Variants in LRRN2 observed in about 807,000 individuals in gnomAD.
The protein encoded by LRRN2 is leucine-rich repeat neuronal protein 2.
A neutral mutation model predicts 35.7 loss-of-function variants in LRRN2; 10 were observed. The ratio of observed to expected loss-of-function variants is 0.28; its 90% CI spans 0.17 to 0.47. The LOEUF (loss-of-function observed/expected upper bound fraction) is 0.47. Ranked by LOEUF, LRRN2 falls within the 20% of genes least tolerant of loss-of-function variation. LRRN2 has a pLI of 0.99. For synonymous variants in LRRN2, 391 were observed against 409.6 expected (o/e 0.95, Z 0.55); for missense variants, 731 against 940.3 (o/e 0.78, Z 2.91).
At chr1:204,657,430 G>A (rs1668384896) in intron 1 of LRRN2, among the ~76,000 whole-genome samples, 1 of 151,692 alleles carries the variant, frequency 6.6e-6, no homozygotes, top group South Asian at 2.1e-4. Flanking sequence ...ACGAAGTAAT[G>A]GCACATGCTA....
intron 1 of LRRN2, among the ~76,000 whole-genome samples, chr1:204,637,150 A>G (rs1667855251): frequency 6.6e-6 from 1 of 152,246 alleles, no homozygotes; most frequent in Non-Finnish European, 1.5e-5. Context: ...GGAATTTTTC[A>G]TAATAAAGTA....
Position 204,619,849 on chromosome 1 carries a change from G to A in LRRN2, c.144C>T (p.Arg48=), listed in dbSNP as rs781709899. 1.4e-5 allele frequency: 23 copies of A among 1,613,610 alleles called. No individual in the cohort carries two copies. Among genetic ancestry groups the A allele is most frequent in the Middle Eastern group, 1.6e-4 (1 of 6,074 alleles). ...RPWYTPRSSY[R]EATTVDCNDL... is the part of the protein sequence containing the mutation. The stretch of plus-strand genomic sequence containing the variant: ...CATTGCAGTCCACAGTGGTAGCCTC[G>A]CGGTAGGACGAGCGGGGCGTATACC... Residue 48 remains arginine, a synonymous_variant, in exon 2 of 2, where the codon CGC becomes CGT. Transcript: ENST00000367177.
chr1:204,655,896 C>T (rs568918432), intron 1 of LRRN2, among the ~76,000 whole-genome samples: 1 of 152,224 alleles, frequency 6.6e-6, no homozygotes, highest in South Asian at 2.1e-4. Flanking sequence ...CCTTCCCTCC[C>T]TTTCCTTCTC....
At position 204,628,533 on chromosome 1, in the gene LRRN2, C is replaced by T. The variant is rs929588943; in HGVS notation, c.-226-8315G>A. 7 of 152,226 alleles carry T rather than the reference C, an allele frequency of 4.6e-5. No individual in the cohort carries two copies. In the East Asian group the frequency reaches 5.8e-4, roughly 13 times the overall value. The allele number at this position is 152,226 out of a possible 1,614,324, so 9.4% of individuals were successfully genotyped here. On this transcript the variant is annotated intron_variant, in intron 1 of 1. Transcript: ENST00000367177. The stretch of plus-strand genomic sequence containing the variant: ...AGTGTCCTGCCCTTTTTATCCACTT[C>T]GATTTGTTGGAGGCACATTTCCCTG...
In LRRN2 at chr1:204,685,420, C is replaced by G. The variant is rs1333861719; in HGVS notation, c.-327G>C. ...GCTGGGGACGCTGGTCCGCGCCCTCCCGCCGCGCGCGCCGTCTGCACAGGC... is the reference window on the plus strand; with the variant it reads ...GCTGGGGACGCTGGTCCGCGCCCTCGCGCCGCGCGCGCCGTCTGCACAGGC... On this transcript the variant is annotated 5_prime_UTR_variant, in exon 1 of 2. Coordinates refer to ENST00000367177, the MANE Select transcript of LRRN2 (RefSeq NM_201630.2). 6.6e-6 allele frequency: 1 copy of G among 151,592 alleles called. No individual in the cohort carries two copies. The highest frequency in any genetic ancestry group is 1.5e-5 in the Non-Finnish European group (1 of 67,868). 9.4% of individuals were successfully genotyped at this position (151,592 alleles called of 1,614,324 possible). A position where few individuals can be genotyped will look rare whatever the true frequency, so the allele number is the denominator to read the frequency against.
At chr1:204,639,988 A>G (rs1348981095) in intron 1 of LRRN2, among the ~76,000 whole-genome samples, 1 of 152,244 alleles carries the variant, frequency 6.6e-6, no homozygotes, top group Non-Finnish European at 1.5e-5. Context: ...TAATTCATAT[A>G]CCATAAATTC....
intron 1 of LRRN2, among the ~76,000 whole-genome samples, chr1:204,672,444 T>C (rs185027497): frequency 2.1e-4 from 32 of 152,284 alleles, no homozygotes; most frequent in African/African-American, 6.7e-4. Context: ...CTTGGGTCAA[T>C]TGGGGTCCCT....
intron 1 of LRRN2, among the ~76,000 whole-genome samples, chr1:204,636,202 C>T (rs1340889150): frequency 6.6e-6 from 1 of 152,166 alleles, no homozygotes; most frequent in East Asian, 1.9e-4. Context: ...TGCGTATGGC[C>T]TCATTGCTGT....
rs1317014658 is a variant in LRRN2, at chr1:204,624,763, C to T, written c.-226-4545G>A. ...CTGGCGGTTCCCCCCCCACCCCCCC[C>T]CCCGGGAGCTGAGGGTCCAGAGGGA... On this transcript the variant is annotated intron_variant, in intron 1 of 1. Coordinates refer to ENST00000367177, the MANE Select transcript of LRRN2 (RefSeq NM_201630.2). Among the ~76,000 whole-genome samples, 2 of 131,570 alleles carry T rather than the reference C, an allele frequency of 1.5e-5. 1 individual carries two copies. 86.3% of individuals were successfully genotyped at this position (131,570 alleles called of 152,430 possible).
intron 1 of LRRN2, among the ~76,000 whole-genome samples, chr1:204,625,519 C>T (rs1667277290): frequency 1.3e-5 from 2 of 152,160 alleles, no homozygotes; most frequent in South Asian, 4.1e-4. Context: ...CTGATCCCAA[C>T]ATGCATAGGT....
In LRRN2 at chr1:204,681,092, G is replaced by T. The variant is rs149922773; in HGVS notation, c.-227+4228C>A. Among the ~76,000 whole-genome samples, 1,468 of 152,172 alleles carry T rather than the reference G, an allele frequency of 9.6e-3. 12 individuals carry two copies. The highest frequency in any genetic ancestry group is 0.034 in the Middle Eastern group (10 of 294). On this transcript the variant is annotated intron_variant, in intron 1 of 1. Transcript: ENST00000367177. ...CCGCCTCAGCCTCCCAAGTAGCTGG[G>T]ATTACAGGTGTGTGCCACCACGCCC...
At chr1:204,675,117 TTGTC>T (rs1236740155) in intron 1 of LRRN2, among the ~76,000 whole-genome samples, 1 of 152,120 alleles carries the variant, frequency 6.6e-6, no homozygotes, top group Non-Finnish European at 1.5e-5. Flanking sequence ...CTCGATTTCA[TTGTC>T]TGGAGAATTA....
At chr1:204,621,839 G>C (rs1053834023) in intron 1 of LRRN2, 14 of 167,090 alleles carry the variant, frequency 8.4e-5, no homozygotes, top group African/African-American at 3.4e-4. Context: ...TCTGATTCCA[G>C]GTAAGTTTTT....
chr1:204,618,699 T>C lies in LRRN2; in HGVS notation c.1294A>G (p.Ser432Gly). 3 of 1,599,614 alleles carry C rather than the reference T, an allele frequency of 1.9e-6. No homozygotes were observed. The highest frequency in any genetic ancestry group is 2.6e-6 in the Non-Finnish European group (3 of 1,171,516). The stretch of plus-strand genomic sequence containing the variant: ...CTCTCTCCACTGGCTACCTGGAGGC[T>C]TGGGGGGAAGCTTCGTGGGGAGATG... The part of the protein sequence containing the change: ...PLISPRSFPP[S>G]LQVASGESMV... Residue 432 changes from serine (S) to glycine (G), a missense_variant, in exon 2 of 2, where the codon AGC becomes GGC. Ser to Gly is a moderately conservative substitution (Grantham distance 56). Coordinates refer to ENST00000367177, the MANE Select transcript of LRRN2 (RefSeq NM_201630.2).
At chr1:204,665,422 G>A (rs1182569825) in intron 1 of LRRN2, among the ~76,000 whole-genome samples, 1 of 152,110 alleles carries the variant, frequency 6.6e-6, no homozygotes, top group Non-Finnish European at 1.5e-5. Flanking sequence ...TTACAGGTAT[G>A]AGCACCCCCA....
intron 1 of LRRN2, among the ~76,000 whole-genome samples, chr1:204,647,954 C>T (rs1293565159): frequency 2.0e-5 from 3 of 152,222 alleles, no homozygotes; most frequent in Non-Finnish European, 2.9e-5. Flanking sequence ...ATGTTATTAA[C>T]TTCACCTGTT....
intron 1 of LRRN2, chr1:204,626,771 C>T (rs17335392): frequency 0.37 from 56,196 of 151,918 alleles, 12,328 homozygotes; most frequent in Non-Finnish European, 0.47. Context: ...TGAATCACAA[C>T]CCATTAGTAG....
intron 1 of LRRN2, among the ~76,000 whole-genome samples, chr1:204,675,645 G>C (rs1241114380): frequency 6.6e-6 from 1 of 152,174 alleles, no homozygotes; most frequent in Non-Finnish European, 1.5e-5. Context: ...GATAATCCAG[G>C]ATAATTTATT....
At chr1:204,649,749 C>G (rs1020628047) in intron 1 of LRRN2, among the ~76,000 whole-genome samples, 2 of 152,192 alleles carry the variant, frequency 1.3e-5, no homozygotes, top group African/African-American at 4.8e-5. Context: ...ACTTCCCACA[C>G]TGATCCCCAT....
Sources: allele counts gnomAD v4.1 joint callset (sites outside exome capture counted in the v4.1 genomes callset), GRCh38; gene constraint gnomAD v4.1.1; transcripts MANE v1.5; gene names NCBI Gene and HGNC (gene_info 2026-07-23, HGNC 2026-07-21).